Variants in CCDC81 observed in about 807,000 individuals in gnomAD.
The protein encoded by CCDC81 is coiled-coil domain containing 81.
CCDC81 carries 79 observed loss-of-function variants against 83.7 expected under a neutral mutation model. The observed-to-expected ratio is 0.94, with a 90% CI of 0.79 to 1.14. The LOEUF is 1.14. Ranked by LOEUF, CCDC81 falls within the 50% of genes most tolerant of loss-of-function variation. CCDC81 has a pLI of 0.00. For synonymous variants in CCDC81, 252 were observed against 278.1 expected (o/e 0.91, Z 0.93); for missense variants, 791 against 778.1 (o/e 1.02, Z -0.20).
At chr11:86,405,285 T>C (rs1396816310) in intron 7 of CCDC81, among the ~76,000 whole-genome samples, 1 of 152,236 alleles carries the variant, frequency 6.6e-6, no homozygotes, top group Non-Finnish European at 1.5e-5. Flanking sequence ...TTTGCCTTCA[T>C]TTCTGTACTA....
At chr11:86,409,742 C>A (rs1324251971) in intron 10 of CCDC81, among the ~76,000 whole-genome samples, 2 of 152,218 alleles carry the variant, frequency 1.3e-5, no homozygotes, top group East Asian at 1.9e-4. Flanking sequence ...AGCCACCATG[C>A]CCAGCCAGTT....
At chr11:86,381,857 G>A (rs561991037) in intron 1 of CCDC81, among the ~76,000 whole-genome samples, 6 of 152,260 alleles carry the variant, frequency 3.9e-5, no homozygotes, top group Non-Finnish European at 7.4e-5. Context: ...GGGATAATTT[G>A]AGCTGAGTTG....
At chr11:86,414,989 A>G in intron 12 of CCDC81, 104 bp from the exon 13 acceptor site, 1 of 1,439,812 alleles carries the variant, frequency 6.9e-7, no homozygotes, top group East Asian at 2.3e-5. Flanking sequence ...TGTGCCCCGC[A>G]TTCCTTCCTG....
At chr11:86,402,396 T>G (rs961309358) in intron 7 of CCDC81, among the ~76,000 whole-genome samples, 1 of 152,176 alleles carries the variant, frequency 6.6e-6, no homozygotes, top group Non-Finnish European at 1.5e-5. Context: ...ATATGGATTT[T>G]TGTTACATTT....
At chr11:86,414,894 T>A (rs1005602129) in intron 12 of CCDC81, 27 bp downstream of exon 12, 3 of 1,558,196 alleles carry the variant, frequency 1.9e-6, no homozygotes, top group African/African-American at 2.8e-5. Context: ...ATATTATTTT[T>A]AAAATTATGC....
At chr11:86,419,842 T>C in intron 13 of CCDC81, 86 bp from the exon 14 acceptor site, 1 of 1,435,278 alleles carries the variant, frequency 7.0e-7, no homozygotes. Context: ...AAGGTTTTTT[T>C]TGTTTAACAT....
chr11:86,394,656 ACTT>A (rs1164980110), intron 4 of CCDC81, among the ~76,000 whole-genome samples: 1 of 152,204 alleles, frequency 6.6e-6, no homozygotes, highest in Non-Finnish European at 1.5e-5. Context: ...TATTTTCTAT[ACTT>A]CTTTTTGGGA....
At chr11:86,387,018 T>C (rs986190555) in intron 2 of CCDC81, among the ~76,000 whole-genome samples, 1 of 152,182 alleles carries the variant, frequency 6.6e-6, no homozygotes, top group Non-Finnish European at 1.5e-5. Context: ...AAACCCAGTA[T>C]GAGAGGCAAA....
intron 1 of CCDC81, among the ~76,000 whole-genome samples, chr11:86,384,130 T>A (rs1948209176): frequency 6.6e-6 from 1 of 152,246 alleles, no homozygotes; most frequent in African/African-American, 2.4e-5. Flanking sequence ...GAAAGACTGT[T>A]AGAGTCATAA....
At chr11:86,384,783 TGCAGAGAGTTC>T (rs2138496914) in intron 1 of CCDC81, among the ~76,000 whole-genome samples, 2 of 152,372 alleles carry the variant, frequency 1.3e-5, no homozygotes, top group East Asian at 3.9e-4. Context: ...AGTCTTGATT[TGCAGAGAGTTC>T]TTAACTGGAA....
chr11:86,412,232 T>C (rs1441548014), intron 10 of CCDC81, among the ~76,000 whole-genome samples, 155 bp from the exon 11 acceptor site: 1 of 152,206 alleles, frequency 6.6e-6, no homozygotes, highest in Non-Finnish European at 1.5e-5. Context: ...CTCATATGAT[T>C]CTATGTGTTA....
chr11:86,377,411 T>A (rs1448596009), intron 1 of CCDC81, among the ~76,000 whole-genome samples: 1 of 152,190 alleles, frequency 6.6e-6, no homozygotes. Flanking sequence ...TATGTTGCAT[T>A]CCCAAGAGCG....
rs370119298 is a variant in CCDC81 at position 86,422,766 on chromosome 11, T to C, written c.*51T>C. ...CCGGGGAAAGTTTTTATCTTTTACA[T>C]GTTTGGGGGTGATTGTGAAACTGCG... On this transcript the variant is annotated 3_prime_UTR_variant, in exon 15 of 15. Transcript: ENST00000445632. 3.9e-6 allele frequency: 6 copies of C among 1,547,804 alleles called. No homozygotes were observed. The African/African-American group carries it at 6.9e-5, about 18-fold the overall frequency.
chr11:86,408,710 T>A (rs1948596898), intron 9 of CCDC81, among the ~76,000 whole-genome samples: 1 of 152,206 alleles, frequency 6.6e-6, no homozygotes, highest in South Asian at 2.1e-4. Flanking sequence ...ACGTATTTAC[T>A]GTTAGACTAA....
At position 86,387,517 on chromosome 11, in the gene CCDC81, G is replaced by C. The variant is rs1254665999; in HGVS notation, c.143G>C (p.Gly48Ala). The change falls in exon 3 of 15, where the codon GGG (glycine) becomes GCG (alanine). Residue 48 changes from glycine to alanine, a missense_variant and splice_region_variant. Transcript: ENST00000445632. ...TTTTGTTTTGTTTTTTCCTTTCAGG[G>C]GGTTCAGATTCCAGCATTTGGAACT... ...FVRRQLTLHK[G>A]VQIPAFGTFT... is the part of the protein sequence containing the mutation. 17 of 1,613,076 alleles carry C rather than the reference G, an allele frequency of 1.1e-5. No individual in the cohort carries two copies. Among genetic ancestry groups the C allele is most frequent in the Non-Finnish European group, 1.4e-5 (17 of 1,179,730 alleles).
At chr11:86,397,995 A>T (rs140465174) in intron 6 of CCDC81, among the ~76,000 whole-genome samples, 94 of 152,080 alleles carry the variant, frequency 6.2e-4, no homozygotes, top group Non-Finnish European at 1.1e-3. Flanking sequence ...GATTACCATC[A>T]TGTGCCACCA....
chr11:86,392,424 C>T, intron 3 of CCDC81, 117 bp from the exon 4 acceptor site: 2 of 1,215,796 alleles, frequency 1.6e-6, no homozygotes, highest in South Asian at 3.2e-5. Context: ...AAGCTTCATC[C>T]AGAAGATTCT....
intron 6 of CCDC81, among the ~76,000 whole-genome samples, chr11:86,398,276 C>A (rs1948437717): frequency 6.6e-6 from 1 of 152,144 alleles, no homozygotes; most frequent in Admixed American, 6.5e-5. Flanking sequence ...TTTGCTGGCT[C>A]CCCATTGCTC....
At chr11:86,414,584 C>T (rs1239700015) in intron 11 of CCDC81, 2 of 526,652 alleles carry the variant, frequency 3.8e-6, no homozygotes, top group African/African-American at 1.9e-5. Flanking sequence ...TGGGATTACA[C>T]ACATGAGCCA....
Sources: gnomAD v4.1 joint callset for allele counts (sites outside exome capture counted in the v4.1 genomes callset) on GRCh38, gnomAD v4.1.1 for gene constraint, MANE v1.5 for transcripts, NCBI Gene and HGNC (gene_info 2026-07-23, HGNC 2026-07-21) for gene names.